GRM8: variants seen among roughly 807,000 people sequenced by gnomAD.
The protein encoded by GRM8 is metabotropic glutamate receptor 8.
In GRM8, 47 loss-of-function variants were observed where a neutral mutation model predicts 87.2. The observed-to-expected ratio is 0.54, with a 90% CI of 0.43 to 0.69. The LOEUF is 0.69. Among genes scored for constraint, GRM8 ranks in the 30% least tolerant of loss-of-function variants. GRM8 has a pLI of 0.00. For synonymous variants in GRM8, 396 were observed against 404.5 expected, an observed-to-expected ratio of 0.98 and a Z score of 0.25; for missense variants, 1,019 against 1,139.2, an observed-to-expected ratio of 0.89 and a Z score of 1.52.
At chr7:126,440,097 T>C (rs1261474977) in intron 10 of GRM8, among the ~76,000 whole-genome samples, 2 of 151,862 alleles carry the variant, frequency 1.3e-5, no homozygotes, top group Non-Finnish European at 2.9e-5. Context: ...AAATTTAGTG[T>C]AGTCTAAGTG....
chr7:126,603,799 C>T (rs1369721409), intron 8 of GRM8, among the ~76,000 whole-genome samples: 2 of 151,958 alleles, frequency 1.3e-5, no homozygotes, highest in Admixed American at 6.6e-5. Flanking sequence ...CACATGTAAG[C>T]AACTTTGCAA....
At chr7:126,759,981 T>A (rs890076968) in intron 7 of GRM8, among the ~76,000 whole-genome samples, 1 of 152,212 alleles carries the variant, frequency 6.6e-6, no homozygotes, top group Non-Finnish European at 1.5e-5. Flanking sequence ...ATAAAATTTG[T>A]GTTTCTGATC....
rs147948998 is a variant in GRM8 at position 127,073,060 on chromosome 7, G to T, written c.727+33436C>A. Among the ~76,000 whole-genome samples the T allele has an allele frequency of 2.4e-4, 37 of 152,192 alleles. No individual in the cohort carries two copies. In the East Asian group the frequency reaches 6.6e-3, roughly 27 times the overall value. ...AGAGAAAGTGAAGGGGAAATGAGAA[G>T]GAGAGTCAGTCATCACCGCCACAGC... On this transcript the variant is annotated intron_variant, in intron 3 of 10. Coordinates refer to ENST00000339582, the MANE Select transcript of GRM8 (RefSeq NM_000845.3).
intron 6 of GRM8, among the ~76,000 whole-genome samples, chr7:126,786,644 T>G (rs531590914): frequency 6.6e-6 from 1 of 152,312 alleles, no homozygotes; most frequent in East Asian, 1.9e-4. Context: ...ACAGGCCACC[T>G]CATGGCATCC....
intron 3 of GRM8, among the ~76,000 whole-genome samples, chr7:126,987,378 C>CA: frequency 6.6e-6 from 1 of 152,250 alleles, no homozygotes; most frequent in Middle Eastern, 3.4e-3. Context: ...CCTATAGCAA[C>CA]ACCTACCACA....
intron 3 of GRM8, among the ~76,000 whole-genome samples, chr7:126,974,301 T>C (rs1261348027): frequency 2.6e-5 from 4 of 152,270 alleles, no homozygotes; most frequent in South Asian, 4.1e-4. Flanking sequence ...TAAAATTGTA[T>C]TGTATTGGGC....
chr7:127,236,525 A>T (rs1235572450), intron 2 of GRM8, among the ~76,000 whole-genome samples: 1 of 152,150 alleles, frequency 6.6e-6, no homozygotes, highest in African/African-American at 2.4e-5. Flanking sequence ...CCCCTTATAA[A>T]ACCATCAGAT....
At chr7:127,210,716 C>T (rs1268316647) in intron 2 of GRM8, among the ~76,000 whole-genome samples, 7 of 151,792 alleles carry the variant, frequency 4.6e-5, no homozygotes, top group Non-Finnish European at 1.0e-4. Context: ...TTCACCACCA[C>T]CAGTACTCAG....
chr7:126,594,426 T>C (rs373674072), intron 8 of GRM8, among the ~76,000 whole-genome samples: 1 of 152,026 alleles, frequency 6.6e-6, no homozygotes, highest in African/African-American at 2.4e-5. Context: ...TGAAATACTG[T>C]CATCTGTGAA....
chr7:126,902,403 C>T (rs1362098786), intron 6 of GRM8, 139 bp downstream of exon 6: 13 of 690,668 alleles, frequency 1.9e-5, no homozygotes, highest in Admixed American at 3.3e-5. Flanking sequence ...GTATGCTCAG[C>T]CCTGAGACAC....
chr7:126,740,035 C>G (rs1430208163), intron 7 of GRM8, among the ~76,000 whole-genome samples: 1 of 151,938 alleles, frequency 6.6e-6, no homozygotes, highest in Admixed American at 6.6e-5. Flanking sequence ...CAGAACATGC[C>G]CCCAACGTTA....
chr7:126,974,936 CAAAAAAAAAAAAAA>C lies in GRM8; in HGVS notation c.728-70267_728-70254del, dbSNP rs36129145. ...GGGTGACAGAGCGAGACTCTTGTCT[CAAAAAAAAAAAAAA>C]AAAAAAAAAAAAAAAAAACCACTAA... On this transcript the variant is annotated intron_variant, in intron 3 of 10. Transcript: ENST00000339582. Among the ~76,000 whole-genome samples the C allele has an allele frequency of 7.4e-3, 442 of 59,634 alleles. 4 individuals carry two copies. The highest frequency in any genetic ancestry group is 0.028 in the African/African-American group (421 of 14,858). 39.1% of individuals were successfully genotyped at this position (59,634 alleles called of 152,430 possible). A position where few individuals can be genotyped will look rare whatever the true frequency, so the allele number is the denominator to read the frequency against.
At chr7:126,652,259 G>A (rs1230552191) in intron 7 of GRM8, among the ~76,000 whole-genome samples, 1 of 152,184 alleles carries the variant, frequency 6.6e-6, no homozygotes, top group East Asian at 1.9e-4. Flanking sequence ...TTGTACGAAG[G>A]ATAGCTGCAT....
At position 126,439,113 on chromosome 7, in the gene GRM8, C is replaced by G; in HGVS notation, c.*6G>C. Reference sequence around the variant, plus strand: ...ACATCTCTTCAGATTGTGCCATTTCCCTGTTTCAGATTGAATGATTGCTGT... The same window carrying G: ...ACATCTCTTCAGATTGTGCCATTTCGCTGTTTCAGATTGAATGATTGCTGT... On this transcript the variant is annotated 3_prime_UTR_variant, in exon 11 of 11. Transcript: ENST00000339582. 6.4e-7 allele frequency: 1 copy of G among 1,551,688 alleles called. No individual in the cohort carries two copies. The highest frequency in any genetic ancestry group is 8.9e-7 in the Non-Finnish European group (1 of 1,123,646).
chr7:126,510,477 A>G (rs553706188), intron 9 of GRM8, among the ~76,000 whole-genome samples: 1 of 152,186 alleles, frequency 6.6e-6, no homozygotes, highest in Non-Finnish European at 1.5e-5. Context: ...AAAGATTTCA[A>G]GAGGGATTTA....
intron 2 of GRM8, chr7:127,229,690 T>A (rs1034898614): frequency 6.6e-6 from 1 of 152,204 alleles, no homozygotes; most frequent in Non-Finnish European, 1.5e-5. Context: ...TATGCCATTT[T>A]CAATACAGAA....
intron 6 of GRM8, among the ~76,000 whole-genome samples, chr7:126,831,893 T>C (rs1795414361): frequency 6.6e-6 from 1 of 152,228 alleles, no homozygotes; most frequent in Non-Finnish European, 1.5e-5. Context: ...GTTTCTTGAA[T>C]GTTACACATT....
intron 3 of GRM8, among the ~76,000 whole-genome samples, chr7:127,039,768 G>GAGGGGA (rs1366088736): frequency 6.3e-5 from 6 of 95,238 alleles, no homozygotes; most frequent in African/African-American, 2.7e-4. Context: ...AAGGGTAAGA[G>GAGGGGA]AGGGGAAGGG....
At chr7:126,762,701 T>C (rs1174849468) in intron 7 of GRM8, among the ~76,000 whole-genome samples, 2 of 151,854 alleles carry the variant, frequency 1.3e-5, no homozygotes, top group African/African-American at 2.4e-5. Context: ...CTATACAATA[T>C]ATTGTTGGTG....
Sources: gnomAD v4.1 joint callset for allele counts (sites outside exome capture counted in the v4.1 genomes callset) on GRCh38, gnomAD v4.1.1 for gene constraint, MANE v1.5 for transcripts, NCBI Gene and HGNC (gene_info 2026-07-23, HGNC 2026-07-21) for gene names.